Variants in NRXN3 observed in about 807,000 individuals in gnomAD.
NRXN3 encodes the protein neurexin 3.
A neutral mutation model predicts 137.6 loss-of-function variants in NRXN3; 32 were observed. The observed-to-expected ratio is 0.23, with a 90% confidence interval of 0.18 to 0.31. The LOEUF (loss-of-function observed/expected upper bound fraction) is 0.31. Among genes scored for constraint, NRXN3 ranks in the 10% least tolerant of loss-of-function variants. NRXN3 has a pLI of 1.00. For synonymous variants in NRXN3, 798 were observed against 784.5 expected, an observed-to-expected ratio of 1.02 and a Z score of -0.29; for missense variants, 1,574 against 2,062.5, an observed-to-expected ratio of 0.76 and a Z score of 4.59.
At chr14:78,183,346 C>T (rs1407318545) in intron 1 of NRXN3, among the ~76,000 whole-genome samples, 2 of 152,164 alleles carry the variant, frequency 1.3e-5, no homozygotes, top group Admixed American at 6.5e-5. Context: ...CCACCCTCTG[C>T]GTGGTGCCTA....
intron 10 of NRXN3, among the ~76,000 whole-genome samples, chr14:78,895,125 G>A (rs533500332): frequency 2.6e-5 from 4 of 151,728 alleles, no homozygotes; most frequent in South Asian, 2.1e-4. Context: ...TAGTCAGCCC[G>A]CCCTTTGAAG....
intron 4 of NRXN3, among the ~76,000 whole-genome samples, chr14:78,363,429 T>C (rs1341530495): frequency 6.6e-6 from 1 of 152,236 alleles, no homozygotes; most frequent in East Asian, 1.9e-4. Context: ...TGCTAACTCC[T>C]GGATTCTATC....
intron 2 of NRXN3, among the ~76,000 whole-genome samples, chr14:78,254,533 G>A (rs1296080371): frequency 6.6e-6 from 1 of 152,126 alleles, no homozygotes; most frequent in Non-Finnish European, 1.5e-5. Context: ...ACAAAAATTA[G>A]CTGAGTGTGG....
At chr14:78,569,486 C>G (rs1010010075) in intron 4 of NRXN3, among the ~76,000 whole-genome samples, 3 of 151,512 alleles carry the variant, frequency 2.0e-5, no homozygotes, top group African/African-American at 7.3e-5. Context: ...AGGGTGGTCT[C>G]AATCTCCTGA....
At position 78,549,839 on chromosome 14, in the gene NRXN3, G is replaced by T. The variant is rs534592613; in HGVS notation, c.758-95281G>T. Among the ~76,000 whole-genome samples the T allele has an allele frequency of 3.9e-5, 6 of 151,928 alleles. No homozygotes were observed. The South Asian group carries it at 1.3e-3, about 32-fold the overall frequency. On this transcript the variant is annotated intron_variant, in intron 4 of 20. Transcript: ENST00000335750. ...TCATTCCAGTATTCATTTCTTCCTT[G>T]GGTCCTGGCCTACTCCTTCCTTTTC... is the stretch of plus-strand genomic sequence containing the variant.
At chr14:79,384,102 C>G (rs1017299215) in intron 15 of NRXN3, among the ~76,000 whole-genome samples, 4 of 152,138 alleles carry the variant, frequency 2.6e-5, no homozygotes, top group Admixed American at 2.0e-4. Context: ...GGCACCTCCC[C>G]CACTCCCACT....
At chr14:79,681,695 G>GT (rs2098671150) in intron 17 of NRXN3, among the ~76,000 whole-genome samples, 1 of 151,752 alleles carries the variant, frequency 6.6e-6, no homozygotes, top group Admixed American at 6.6e-5. Context: ...TATGAGAGGA[G>GT]TAAGAGTCTC....
intron 15 of NRXN3, among the ~76,000 whole-genome samples, chr14:79,344,280 C>T (rs961067166): frequency 6.6e-6 from 1 of 152,114 alleles, no homozygotes; most frequent in African/African-American, 2.4e-5. Context: ...ATGGTATCCA[C>T]CCAGCTGGTG....
At chr14:79,768,950 C>T (rs544408800) in intron 19 of NRXN3, among the ~76,000 whole-genome samples, 1 of 151,460 alleles carries the variant, frequency 6.6e-6, no homozygotes, top group African/African-American at 2.4e-5. Context: ...AGCTGAAAAC[C>T]AAGGCTCGAG....
At chr14:78,955,395 T>C (rs915394845) in intron 10 of NRXN3, among the ~76,000 whole-genome samples, 1 of 152,202 alleles carries the variant, frequency 6.6e-6, no homozygotes, top group Non-Finnish European at 1.5e-5. Flanking sequence ...ATCTAATCAG[T>C]TGAAAATACA....
At chr14:78,545,980 G>A (rs941994430) in intron 4 of NRXN3, among the ~76,000 whole-genome samples, 1 of 152,234 alleles carries the variant, frequency 6.6e-6, no homozygotes, top group African/African-American at 2.4e-5. Flanking sequence ...TCTCCTTCCT[G>A]TAAATTATAA....
intron 16 of NRXN3, among the ~76,000 whole-genome samples, chr14:79,639,525 T>G (rs2098422315): frequency 6.6e-6 from 1 of 152,198 alleles, no homozygotes. Flanking sequence ...TAATTTTTGT[T>G]AACTGTTATA....
chr14:78,747,627 T>C (rs970150474), intron 8 of NRXN3, among the ~76,000 whole-genome samples: 1 of 152,252 alleles, frequency 6.6e-6, no homozygotes, highest in African/African-American at 2.4e-5. Context: ...CTGTATTTTT[T>C]CTGATGAGTT....
At chr14:78,419,662 G>T (rs1235923029) in intron 4 of NRXN3, among the ~76,000 whole-genome samples, 4 of 152,140 alleles carry the variant, frequency 2.6e-5, no homozygotes, top group Non-Finnish European at 5.9e-5. Flanking sequence ...TTAGAGTGTG[G>T]GGGATTCCAA....
intron 15 of NRXN3, among the ~76,000 whole-genome samples, chr14:79,232,595 G>A (rs1284936038): frequency 2.0e-5 from 3 of 152,022 alleles, no homozygotes; most frequent in East Asian, 3.9e-4. Context: ...CACTTTTAGC[G>A]ACATTGGCTT....
At chr14:79,187,322 T>C (rs1325874171) in intron 15 of NRXN3, among the ~76,000 whole-genome samples, 1 of 152,206 alleles carries the variant, frequency 6.6e-6, no homozygotes, top group African/African-American at 2.4e-5. Flanking sequence ...CTAACATTTG[T>C]TTCCAGGAAC....
chr14:78,609,149 G>A (rs1289300057), intron 4 of NRXN3, among the ~76,000 whole-genome samples: 1 of 152,080 alleles, frequency 6.6e-6, no homozygotes, highest in African/African-American at 2.4e-5. Flanking sequence ...GAAACTAATA[G>A]CTGGAGACCT....
intron 16 of NRXN3, among the ~76,000 whole-genome samples, chr14:79,576,581 T>C (rs7156216): frequency 0.16 from 23,886 of 152,058 alleles, 2,325 homozygotes; most frequent in African/African-American, 0.28. Context: ...CGGGTCTATT[T>C]TCATTTTGGC....
intron 16 of NRXN3, among the ~76,000 whole-genome samples, chr14:79,584,914 G>A (rs1345523690): frequency 6.6e-6 from 1 of 152,154 alleles, no homozygotes; most frequent in African/African-American, 2.4e-5. Flanking sequence ...AAACAAAAGT[G>A]GGAAAGATTT....
Sources: allele counts gnomAD v4.1 joint callset (sites outside exome capture counted in the v4.1 genomes callset), GRCh38; gene constraint gnomAD v4.1.1; transcripts MANE v1.5; gene names NCBI Gene and HGNC (gene_info 2026-07-23, HGNC 2026-07-21).